The following NRG1 variants were observed in gnomAD, a reference collection of about 807,000 sequenced individuals.
NRG1 encodes pro-neuregulin-1, membrane-bound isoform.
A neutral mutation model predicts 63.8 loss-of-function variants in NRG1; 18 were observed. The observed-to-expected ratio is 0.28, with a 90% CI of 0.19 to 0.42. The LOEUF (loss-of-function observed/expected upper bound fraction) is 0.42. Among genes scored for constraint, NRG1 ranks in the 10% least tolerant of loss-of-function variants. NRG1 has a pLI of 1.00. For synonymous variants in NRG1, 302 were observed against 301.3 expected (o/e 1.00, Z -0.02); for missense variants, 762 against 814.7 (o/e 0.94, Z 0.79).
intron 1 of NRG1, among the ~76,000 whole-genome samples, chr8:32,578,423 T>C (rs925056643): frequency 2.0e-5 from 3 of 152,188 alleles, no homozygotes; most frequent in African/African-American, 7.2e-5. Context: ...TCTGACTTAC[T>C]ACATTAACAC....
chr8:31,732,385 G>T (rs1353790461), intron 1 of NRG1, among the ~76,000 whole-genome samples: 1 of 152,140 alleles, frequency 6.6e-6, no homozygotes, highest in Non-Finnish European at 1.5e-5. Context: ...ACTTTTGCTA[G>T]TTAGCCTGTG....
intron 1 of NRG1, among the ~76,000 whole-genome samples, chr8:31,902,891 C>T (rs1347836025): frequency 1.3e-5 from 2 of 152,086 alleles, no homozygotes; most frequent in African/African-American, 2.4e-5. Flanking sequence ...GACTCACTTT[C>T]GTCCAATAGA....
At chr8:31,995,785 A>G (rs1344112179) in intron 1 of NRG1, among the ~76,000 whole-genome samples, 1 of 151,908 alleles carries the variant, frequency 6.6e-6, no homozygotes, top group African/African-American at 2.4e-5. Context: ...AGAGTCCAAT[A>G]TTACTACCAT....
In NRG1 at chr8:32,234,305, ATCT is replaced by A. The variant is rs144177289; in HGVS notation, c.38-361519_38-361517del. ...AAACAGCTCTTTAGAGCAATGGAAA[ATCT>A]TCTATGATTTCTCACTGACATTGGC... On this transcript the variant is annotated intron_variant, in intron 1 of 10. Transcript: ENST00000519301. Among the ~76,000 whole-genome samples the A allele has an allele frequency of 1.8e-3, 268 of 152,288 alleles. 7 individuals are homozygous for A. In the East Asian group the frequency reaches 0.027, roughly 15 times the overall value.
chr8:31,908,463 C>T (rs960489984), intron 1 of NRG1, among the ~76,000 whole-genome samples: 21 of 152,104 alleles, frequency 1.4e-4, no homozygotes, highest in African/African-American at 5.1e-4. Flanking sequence ...TAGAAGGGGC[C>T]TTCGGGTATG....
chr8:32,202,944 G>A (rs1295350698), intron 1 of NRG1, among the ~76,000 whole-genome samples: 1 of 151,818 alleles, frequency 6.6e-6, no homozygotes, highest in East Asian at 2.0e-4. Context: ...GCAGGTCTAC[G>A]CTTGAGGGTG....
chr8:32,516,684 G>A (rs185572217), intron 1 of NRG1, among the ~76,000 whole-genome samples: 1 of 152,202 alleles, frequency 6.6e-6, no homozygotes, highest in African/African-American at 2.4e-5. Context: ...TAACTTTTGT[G>A]TGGCTATTAT....
chr8:32,415,854 A>G (rs1299727474), intron 1 of NRG1, among the ~76,000 whole-genome samples: 1 of 152,144 alleles, frequency 6.6e-6, no homozygotes. Context: ...GGCCAAGTAC[A>G]TGTTAACAGG....
intron 1 of NRG1, among the ~76,000 whole-genome samples, chr8:31,708,506 C>T (rs1477805208): frequency 2.8e-5 from 4 of 142,460 alleles, no homozygotes; most frequent in South Asian, 2.2e-4. Context: ...AGTGCAGTGG[C>T]GGGATCTCGG....
intron 1 of NRG1, among the ~76,000 whole-genome samples, chr8:31,896,136 C>T (rs1470871626): frequency 2.0e-5 from 3 of 152,152 alleles, no homozygotes; most frequent in Non-Finnish European, 4.4e-5. Context: ...CCAGCATTTG[C>T]TCACTAGACC....
chr8:31,870,692 G>A (rs17543749), intron 1 of NRG1, among the ~76,000 whole-genome samples: 22,212 of 152,106 alleles, frequency 0.15, 2,024 homozygotes, highest in Non-Finnish European at 0.19. Context: ...GCATTTCTCA[G>A]AGTCACTTGA....
chr8:32,612,557 T>C (rs189244677), intron 3 of NRG1, among the ~76,000 whole-genome samples: 2 of 151,292 alleles, frequency 1.3e-5, no homozygotes, highest in Non-Finnish European at 3.0e-5. Context: ...TGTAGATGCC[T>C]CTTTGTAGTA....
At chr8:32,400,797 A>T (rs1813080920) in intron 1 of NRG1, among the ~76,000 whole-genome samples, 1 of 152,218 alleles carries the variant, frequency 6.6e-6, no homozygotes, top group Non-Finnish European at 1.5e-5. Flanking sequence ...GTATGTACAC[A>T]AAGGAATACA....
At chr8:32,068,548 G>A (rs1483673405) in intron 1 of NRG1, among the ~76,000 whole-genome samples, 1 of 152,138 alleles carries the variant, frequency 6.6e-6, no homozygotes, top group East Asian at 1.9e-4. Context: ...AGGAGTGGAG[G>A]AGAGGAAGTC....
chr8:32,196,903 T>A (rs1842999850), intron 1 of NRG1, among the ~76,000 whole-genome samples: 1 of 148,276 alleles, frequency 6.7e-6, no homozygotes, highest in Non-Finnish European at 1.5e-5. Context: ...ATTTTATGTT[T>A]CTAAAGCTGG....
chr8:32,644,749 C>G (rs1853139101), intron 5 of NRG1, among the ~76,000 whole-genome samples: 1 of 151,278 alleles, frequency 6.6e-6, no homozygotes, highest in South Asian at 2.1e-4. Flanking sequence ...TGTTGGTTTT[C>G]TCTGTAAGTG....
intron 1 of NRG1, among the ~76,000 whole-genome samples, chr8:32,249,239 A>T (rs1364679511): frequency 6.6e-6 from 1 of 152,076 alleles, no homozygotes; most frequent in Non-Finnish European, 1.5e-5. Context: ...AGTAGCTGAA[A>T]TTGTAGGTGC....
intron 1 of NRG1, among the ~76,000 whole-genome samples, chr8:31,643,907 A>G (rs1040594730): frequency 2.0e-5 from 3 of 152,256 alleles, no homozygotes; most frequent in Admixed American, 6.5e-5. Context: ...TTGTACATCA[A>G]TTCTGATCTT....
intron 1 of NRG1, among the ~76,000 whole-genome samples, chr8:32,400,299 C>T (rs904128321): frequency 1.3e-5 from 2 of 152,110 alleles, no homozygotes; most frequent in African/African-American, 2.4e-5. Context: ...GCCTGGCCAA[C>T]GTGGCAAACT....
Sources: gnomAD v4.1 joint callset for allele counts (sites outside exome capture counted in the v4.1 genomes callset) on GRCh38, gnomAD v4.1.1 for gene constraint, MANE v1.5 for transcripts, NCBI Gene and HGNC (gene_info 2026-07-23, HGNC 2026-07-21) for gene names.